Variants in NEMP2 observed in about 807,000 individuals in gnomAD.
NEMP2 encodes nuclear envelope integral membrane protein 2.
NEMP2 carries 53 observed loss-of-function variants against 54.2 expected under a neutral mutation model. The ratio of observed to expected loss-of-function variants is 0.98; its 90% CI spans 0.78 to 1.23. The LOEUF (loss-of-function observed/expected upper bound fraction) is 1.23. Ranked by LOEUF, NEMP2 falls within the 50% of genes most tolerant of loss-of-function variation. The pLI is 0.00. For synonymous variants in NEMP2, 197 were observed against 190.3 expected, an observed-to-expected ratio of 1.04 and a Z score of -0.29; for missense variants, 455 against 511.3, an observed-to-expected ratio of 0.89 and a Z score of 1.06.
chr2:190,609,644 A>C, the NEMP2 span: 17 of 152,180 alleles, frequency 1.1e-4, no homozygotes, highest in African/African-American at 4.1e-4. This position sits in a 1 kb window ranked among gnomAD's most constrained non-coding sequence, Gnocchi z 4.7. Context: ...GAGCTGGGAC[A>C]GTTGTTGTAA....
At chr2:190,645,824 T>A in the NEMP2 span, among the ~76,000 whole-genome samples, 1 of 152,272 alleles carries the variant, frequency 6.6e-6, no homozygotes, top group Non-Finnish European at 1.5e-5. Context: ...CCTTAGTAGT[T>A]TTTATATTCA....
the NEMP2 span, among the ~76,000 whole-genome samples, chr2:190,595,980 C>A: frequency 6.6e-6 from 1 of 152,126 alleles, no homozygotes; most frequent in Non-Finnish European, 1.5e-5. The surrounding 1 kb of genome is among the most constrained non-coding windows in gnomAD (Gnocchi z 4.0). Flanking sequence ...TTCACAATAG[C>A]AAATACTTGG....
At chr2:190,578,874 T>C in the NEMP2 span, among the ~76,000 whole-genome samples, 1 of 152,122 alleles carries the variant, frequency 6.6e-6, no homozygotes, top group Non-Finnish European at 1.5e-5. This position sits in a 1 kb window ranked among gnomAD's most constrained non-coding sequence, Gnocchi z 4.4. Flanking sequence ...CAAATCTCCT[T>C]TGTGGGAACG....
the NEMP2 span, among the ~76,000 whole-genome samples, chr2:190,561,295 C>T: frequency 0.01 from 1,524 of 152,296 alleles, 16 homozygotes; most frequent in Non-Finnish European, 0.014. This position sits in a 1 kb window ranked among gnomAD's most constrained non-coding sequence, Gnocchi z 5.4. Context: ...AGATAGGGAA[C>T]ACCTGGGGAC....
upstream of NEMP2, among the ~76,000 whole-genome samples, chr2:190,536,903 G>A (rs1256062459): frequency 6.6e-6 from 1 of 152,196 alleles, no homozygotes; most frequent in Non-Finnish European, 1.5e-5. Flanking sequence ...CTGGACAGAA[G>A]AGGCATGTTT....
At chr2:190,437,116 C>A in the NEMP2 span, 10 of 1,614,220 alleles carry the variant, frequency 6.2e-6, no homozygotes, top group East Asian at 2.2e-4. This position sits in a 1 kb window ranked among gnomAD's most constrained non-coding sequence, Gnocchi z 5.9. Context: ...GTGTAAGCCC[C>A]CCGAGTACAG....
At chr2:190,456,701 C>T in the NEMP2 span, among the ~76,000 whole-genome samples, 1 of 152,228 alleles carries the variant, frequency 6.6e-6, no homozygotes, top group Non-Finnish European at 1.5e-5. The surrounding 1 kb of genome is among the most constrained non-coding windows in gnomAD (Gnocchi z 5.4). Flanking sequence ...TATTTAAAGT[C>T]TGCCTGCTTG....
At chr2:190,577,082 C>T in the NEMP2 span, among the ~76,000 whole-genome samples, 11 of 152,162 alleles carry the variant, frequency 7.2e-5, no homozygotes, top group Admixed American at 6.5e-4. This position sits in a 1 kb window ranked among gnomAD's most constrained non-coding sequence, Gnocchi z 4.8. Context: ...TTGAAAAGCA[C>T]AGACTGTGTT....
At chr2:190,575,367 TGTA>T in the NEMP2 span, among the ~76,000 whole-genome samples, 1 of 152,146 alleles carries the variant, frequency 6.6e-6, no homozygotes, top group African/African-American at 2.4e-5. Flanking sequence ...AGAAATTCCT[TGTA>T]GTATAATACT....
the NEMP2 span, among the ~76,000 whole-genome samples, chr2:190,493,093 T>C: frequency 6.6e-6 from 1 of 152,042 alleles, no homozygotes; most frequent in Non-Finnish European, 1.5e-5. Context: ...AATTGCAGAA[T>C]GGATAAGAAT....
chr2:190,459,848 AGAAG>A, the NEMP2 span, among the ~76,000 whole-genome samples: 13 of 152,266 alleles, frequency 8.5e-5, no homozygotes, highest in Admixed American at 6.5e-5. The surrounding 1 kb of genome is among the most constrained non-coding windows in gnomAD (Gnocchi z 5.3). Flanking sequence ...CAGAAACAAT[AGAAG>A]GAAGTATTAG....
At chr2:190,477,135 T>C in the NEMP2 span, 1 of 392,986 alleles carries the variant, frequency 2.5e-6, no homozygotes, top group South Asian at 1.1e-4. Context: ...AGCACACCAA[T>C]ATGGCACATG....
At chr2:190,618,816 C>T in the NEMP2 span, among the ~76,000 whole-genome samples, 4 of 152,230 alleles carry the variant, frequency 2.6e-5, no homozygotes, top group South Asian at 2.1e-4. Context: ...TGGACTCAAG[C>T]GATCTCCCTG....
At chr2:190,452,062 C>T in the NEMP2 span, among the ~76,000 whole-genome samples, 2 of 151,578 alleles carry the variant, frequency 1.3e-5, no homozygotes, top group Non-Finnish European at 2.9e-5. Context: ...TCTACCAATC[C>T]AGATGAAAGT....
At chr2:190,518,310 C>T (rs74381976) in intron 4 of NEMP2, among the ~76,000 whole-genome samples, 2,959 of 152,226 alleles carry the variant, frequency 0.019, 38 homozygotes, top group Non-Finnish European at 0.029. Context: ...TTGCTATATT[C>T]AGCCTTCTGT....
chr2:190,640,253 T>C, the NEMP2 span, among the ~76,000 whole-genome samples: 1 of 152,222 alleles, frequency 6.6e-6, no homozygotes, highest in Admixed American at 6.5e-5. Context: ...CTTAGCATAA[T>C]ATCTTAGAAG....
chr2:190,455,783 G>A, the NEMP2 span, among the ~76,000 whole-genome samples: 2 of 151,256 alleles, frequency 1.3e-5, no homozygotes, highest in Non-Finnish European at 2.9e-5. Flanking sequence ...TGTGATTCCT[G>A]TCACAAAAGA....
the NEMP2 span, among the ~76,000 whole-genome samples, chr2:190,633,963 T>G: frequency 1.3e-5 from 2 of 152,088 alleles, no homozygotes; most frequent in African/African-American, 2.4e-5. Context: ...TTGTAGCTAT[T>G]CGGGAGGCTG....
At chr2:190,638,862 A>C in the NEMP2 span, among the ~76,000 whole-genome samples, 1 of 152,142 alleles carries the variant, frequency 6.6e-6, no homozygotes. The surrounding 1 kb of genome is among the most constrained non-coding windows in gnomAD (Gnocchi z 5.7). Context: ...CTCAAGCAGC[A>C]CTGGACCAGT....
Sources: allele counts gnomAD v4.1 joint callset (sites outside exome capture counted in the v4.1 genomes callset), GRCh38; gene constraint gnomAD v4.1.1; non-coding constraint Gnocchi (gnomAD v3.1); transcripts MANE v1.5; gene names NCBI Gene and HGNC (gene_info 2026-07-23, HGNC 2026-07-21).